The following ANK2 variants were observed in gnomAD, a reference collection of about 807,000 sequenced individuals.
The protein encoded by ANK2 is ankyrin 2.
ANK2 carries 83 observed loss-of-function variants against 360.5 expected under a neutral mutation model. That is an observed-to-expected ratio of 0.23 (90% CI 0.19 to 0.28). The LOEUF (loss-of-function observed/expected upper bound fraction) is 0.28, where lower values mean the gene tolerates loss of function less well. ANK2 is among the 10% of genes least tolerant of loss of function. ANK2 has a pLI of 1.00. For missense variants in ANK2, 4,201 were observed against 4,795.7 expected, an observed-to-expected ratio of 0.88 and a Z score of 3.66; for synonymous variants, 1,740 against 1,759.5, an observed-to-expected ratio of 0.99 and a Z score of 0.28.
chr4:112,986,588 T>A lies in ANK2; in HGVS notation c.21+82074T>A, dbSNP rs1013919309. Among the ~76,000 whole-genome samples the A allele has an allele frequency of 3.9e-5, 6 of 152,170 alleles. No homozygotes were observed. The East Asian group carries it at 1.2e-3, about 29-fold the overall frequency. ...TCCTGGTAACACTCAGTTTGGAAAG[T>A]CTTCAGCACATCTAAGATGCCTTTT... On this transcript the variant is annotated intron_variant, in intron 2 of 30. Transcript: ENST00000503271.
chr4:112,911,046 C>G lies in ANK2; in HGVS notation c.21+6532C>G, dbSNP rs1015142832. On this transcript the variant is annotated intron_variant, in intron 2 of 30. Transcript: ENST00000503271. ...GATCTCAGCTCACTGCAACGTCCGA[C>G]TCCCGGGTTCAAGCAATTCTCCTGC... 2.7e-5 allele frequency among the ~76,000 whole-genome samples: 4 copies of G among 150,174 alleles called. No homozygotes were observed. In the East Asian group the frequency reaches 7.9e-4, roughly 30 times the overall value.
intron 43 of ANK2, chr4:113,372,630 C>G (rs530827978): frequency 6.5e-7 from 1 of 1,530,026 alleles, no homozygotes; most frequent in Non-Finnish European, 8.8e-7. Flanking sequence ...ATTCAGGTAC[C>G]CACTGTTAAA....
intron 4 of ANK2, among the ~76,000 whole-genome samples, chr4:113,206,552 A>G (rs1257810652): frequency 6.6e-6 from 1 of 152,134 alleles, no homozygotes; most frequent in Non-Finnish European, 1.5e-5. Context: ...AGGTACTTGC[A>G]TTTGACAAGG....
At chr4:112,778,456 A>G in the ANK2 span, among the ~76,000 whole-genome samples, 1 of 152,134 alleles carries the variant, frequency 6.6e-6, no homozygotes. Flanking sequence ...ACAGGCATGA[A>G]CCACCGCAGC....
chr4:113,046,110 G>A (rs572809260), upstream of ANK2, among the ~76,000 whole-genome samples: 58 of 152,070 alleles, frequency 3.8e-4, no homozygotes, highest in Non-Finnish European at 6.9e-4. Flanking sequence ...CAAGGAAATT[G>A]ACGGAAAGCT....
chr4:113,296,419 A>G (rs29320), intron 22 of ANK2, among the ~76,000 whole-genome samples: 4,966 of 152,306 alleles, frequency 0.033, 90 homozygotes, highest in Non-Finnish European at 0.036. Flanking sequence ...CACAACTGAC[A>G]TACTAATTTA....
chr4:113,098,986 C>G (rs2092274473), intron 1 of ANK2, among the ~76,000 whole-genome samples: 1 of 151,850 alleles, frequency 6.6e-6, no homozygotes, highest in Non-Finnish European at 1.5e-5. Context: ...TCACAGAAAA[C>G]TAGGAACTGA....
At chr4:113,012,524 T>TCTTAATTAACCATACCCC (rs2055108872) in intron 2 of ANK2, among the ~76,000 whole-genome samples, 2 of 152,184 alleles carry the variant, frequency 1.3e-5, no homozygotes, top group Non-Finnish European at 2.9e-5. Context: ...AACCATACCC[T>TCTTAATTAACCATACCCC]TTCTATGGCT....
chr4:113,107,261 G>C (rs925663904), intron 1 of ANK2, among the ~76,000 whole-genome samples: 6 of 152,102 alleles, frequency 3.9e-5, no homozygotes, highest in African/African-American at 1.4e-4. Context: ...CTGTTGCCCA[G>C]GTTGGAGTGC....
intron 13 of ANK2, among the ~76,000 whole-genome samples, 172 bp from the exon 14 acceptor site, chr4:113,264,725 A>AG (rs1264700276): frequency 5.9e-5 from 9 of 151,286 alleles, no homozygotes; most frequent in Admixed American, 5.9e-4. Context: ...TTTGTCTCAA[A>AG]AAAAAAAAAA....
chr4:112,806,600 C>T, the ANK2 span, among the ~76,000 whole-genome samples: 1 of 151,918 alleles, frequency 6.6e-6, no homozygotes, highest in Admixed American at 6.6e-5. Flanking sequence ...GAGGCTGAGG[C>T]AGGAGGATTG....
intron 2 of ANK2, among the ~76,000 whole-genome samples, chr4:112,957,460 C>T (rs1178883034): frequency 6.6e-6 from 1 of 152,242 alleles, no homozygotes; most frequent in South Asian, 2.1e-4. Context: ...ATCTTTTCCC[C>T]GCCTTTCCCC....
chr4:112,742,463 C>G, the ANK2 span, among the ~76,000 whole-genome samples: 2 of 151,498 alleles, frequency 1.3e-5, no homozygotes, highest in Non-Finnish European at 2.9e-5. Flanking sequence ...GAGACACACC[C>G]TAGATAAGAT....
intron 2 of ANK2, among the ~76,000 whole-genome samples, chr4:112,985,901 G>C (rs2044685584): frequency 6.6e-6 from 1 of 151,688 alleles, no homozygotes; most frequent in Admixed American, 6.6e-5. Context: ...CTCAGGTGAT[G>C]GGTGCACCAA....
intron 2 of ANK2, among the ~76,000 whole-genome samples, chr4:112,911,905 T>C (rs953180988): frequency 3.0e-4 from 45 of 152,122 alleles, no homozygotes; most frequent in African/African-American, 9.9e-4. Context: ...GGGCCAGGCG[T>C]GGTGGCTCAC....
At chr4:112,931,526 T>A (rs1255624617) in intron 2 of ANK2, among the ~76,000 whole-genome samples, 1 of 141,850 alleles carries the variant, frequency 7.0e-6, no homozygotes. Context: ...AACCTCTGCC[T>A]CCTGGGTTCA....
chr4:113,064,110 T>C (rs2074658711), intron 1 of ANK2, among the ~76,000 whole-genome samples: 1 of 152,194 alleles, frequency 6.6e-6, no homozygotes, highest in African/African-American at 2.4e-5. Context: ...GAAATTTTAG[T>C]GATACAGTCC....
chr4:113,082,055 C>A (rs143568807), intron 1 of ANK2, among the ~76,000 whole-genome samples: 18 of 152,088 alleles, frequency 1.2e-4, no homozygotes, highest in Non-Finnish European at 1.9e-4. Context: ...GTGATCCGCC[C>A]GTCTCGGCCT....
At chr4:113,381,158 T>G (rs1381286176) in intron 45 of ANK2, among the ~76,000 whole-genome samples, 2 of 152,224 alleles carry the variant, frequency 1.3e-5, no homozygotes, top group African/African-American at 4.8e-5. Flanking sequence ...TATGGTTAGT[T>G]TTTGAGAAGA....
Sources: gnomAD v4.1 joint callset for allele counts (sites outside exome capture counted in the v4.1 genomes callset) on GRCh38, gnomAD v4.1.1 for gene constraint, MANE v1.5 for transcripts, NCBI Gene and HGNC (gene_info 2026-07-23, HGNC 2026-07-21) for gene names.